SUDS3: variants seen among roughly 807,000 people sequenced by gnomAD.
SUDS3 encodes the protein sin3 histone deacetylase corepressor complex component SDS3.
In SUDS3, 23 loss-of-function variants were observed where a neutral mutation model predicts 53.5. The ratio of observed to expected loss-of-function variants is 0.43; its 90% CI spans 0.31 to 0.61. The LOEUF is 0.61. SUDS3 is among the 20% of genes least tolerant of loss of function. The pLI is 0.10. For synonymous variants in SUDS3, 150 were observed against 148.5 expected (o/e 1.01, Z -0.08); for missense variants, 291 against 405.9 (o/e 0.72, Z 2.43).
chr12:118,406,087 A>G (rs1251974561), intron 10 of SUDS3, among the ~76,000 whole-genome samples: 2 of 152,198 alleles, frequency 1.3e-5, no homozygotes, highest in African/African-American at 4.8e-5. Flanking sequence ...GGCATTCTAT[A>G]TCATGCTATG....
In SUDS3 at chr12:118,415,705, C is replaced by A. The variant is rs981412828; in HGVS notation, c.*1272C>A. Reference sequence around the variant, plus strand: ...GTAGAACTTACACATCCTAGGAAATCTTTCTTTGTAAGTAATTCTTTTGGT... The same window carrying A: ...GTAGAACTTACACATCCTAGGAAATATTTCTTTGTAAGTAATTCTTTTGGT... On this transcript the variant is annotated 3_prime_UTR_variant, in exon 12 of 12. Transcript: ENST00000543473. The A allele has an allele frequency of 5.3e-5, 8 of 152,138 alleles. No homozygotes were observed. Among genetic ancestry groups the A allele is most frequent in the East Asian group, 3.9e-4 (2 of 5,190 alleles). The allele number at this position is 152,138 out of a possible 1,614,324, so 9.4% of individuals were successfully genotyped here.
chr12:118,397,050 C>G (rs139678842), intron 6 of SUDS3, among the ~76,000 whole-genome samples: 9 of 152,272 alleles, frequency 5.9e-5, no homozygotes, highest in African/African-American at 2.2e-4. Context: ...AACGCTCTCT[C>G]AAGTCTGCTT....
chr12:118,386,104 T>A lies in SUDS3; in HGVS notation c.269-10T>A. On this transcript the variant is annotated splice_polypyrimidine_tract_variant and intron_variant, in intron 3 of 11. Transcript: ENST00000543473. ...CACAATAATTTTATTTTTCAAATGT[T>A]CAAAATCAGGTACATTACAGGAATA... is the stretch of plus-strand genomic sequence containing the variant. The A allele has an allele frequency of 1.9e-6, 3 of 1,575,204 alleles. No homozygotes were observed. Among genetic ancestry groups the A allele is most frequent in the Non-Finnish European group, 2.6e-6 (3 of 1,157,908 alleles).
rs966998998 is a variant in SUDS3 at position 118,378,328 on chromosome 12, A to G, written c.142+1495A>G. Among the ~76,000 whole-genome samples the G allele has an allele frequency of 4.6e-5, 7 of 152,126 alleles. No individual in the cohort carries two copies. In the South Asian group the frequency reaches 8.3e-4, roughly 18 times the overall value. ...GGCTCTGCGTATCTGTGGGTTCTGC[A>G]TCTGTGAATTCAACCAAGCGCAGCT... On this transcript the variant is annotated intron_variant, in intron 1 of 11. Coordinates refer to ENST00000543473, the MANE Select transcript of SUDS3 (RefSeq NM_022491.3).
chr12:118,377,505 T>C (rs2046011190), intron 1 of SUDS3, among the ~76,000 whole-genome samples: 1 of 151,800 alleles, frequency 6.6e-6, no homozygotes, highest in Non-Finnish European at 1.5e-5. Flanking sequence ...ACTCCGTAAA[T>C]GTTCTCCCCA....
At chr12:118,404,579 TA>T (rs2046293762) in intron 10 of SUDS3, 1 of 152,268 alleles carries the variant, frequency 6.6e-6, no homozygotes, top group Non-Finnish European at 1.5e-5. Context: ...ATGAAATGGA[TA>T]CTGCCATCAT....
intron 7 of SUDS3, 118 bp from the exon 8 acceptor site, chr12:118,401,641 T>C: frequency 2.3e-6 from 2 of 872,762 alleles, no homozygotes; most frequent in Non-Finnish European, 3.7e-6. Context: ...ACTGTTACTG[T>C]AGAAACATCA....
At chr12:118,395,638 T>G (rs540228430) in intron 6 of SUDS3, among the ~76,000 whole-genome samples, 1 of 152,282 alleles carries the variant, frequency 6.6e-6, no homozygotes, top group African/African-American at 2.4e-5. Flanking sequence ...GATTGGTCCC[T>G]TTATTCCTAC....
chr12:118,387,707 A>G (rs941357961), intron 4 of SUDS3, among the ~76,000 whole-genome samples: 4 of 152,026 alleles, frequency 2.6e-5, no homozygotes, highest in African/African-American at 9.7e-5. Context: ...GCCTGCCACC[A>G]CACCTGGCTA....
At chr12:118,381,768 C>G (rs535461128) in intron 2 of SUDS3, among the ~76,000 whole-genome samples, 1 of 152,234 alleles carries the variant, frequency 6.6e-6, no homozygotes, top group Admixed American at 6.5e-5. Flanking sequence ...CAGACAGAGC[C>G]ACAGCCGAAC....
chr12:118,378,683 AT>A (rs898026283), intron 1 of SUDS3, among the ~76,000 whole-genome samples: 2 of 148,068 alleles, frequency 1.4e-5, no homozygotes, highest in African/African-American at 2.5e-5. Context: ...TGTTTATTTT[AT>A]TTTTTTTTGA....
chr12:118,388,212 A>G (rs2046132241), intron 4 of SUDS3, among the ~76,000 whole-genome samples: 1 of 152,214 alleles, frequency 6.6e-6, no homozygotes, highest in South Asian at 2.1e-4. Flanking sequence ...CTAAAAAATA[A>G]TGAGTGGCTT....
Position 118,386,184 on chromosome 12 carries a change from A to T in SUDS3, c.339A>T (p.Ala113=). The T allele has an allele frequency of 6.3e-7, 1 of 1,595,642 alleles. No individual in the cohort carries two copies. The change falls in exon 4 of 12, where the codon GCA becomes GCT. Residue 113 remains alanine, a splice_region_variant and synonymous_variant. Coordinates refer to ENST00000543473, the MANE Select transcript of SUDS3 (RefSeq NM_022491.3). ...AGTACAAAGAGAGGATACGGAATGC[A>T]GGTAAGGCTCCTTTAAATGGCAATG... ...DQQYKERIRN[A]ELFLQLETEQ...
rs1037888290 is a variant in SUDS3 at position 118,393,061 on chromosome 12, C to G, written c.517+1779C>G. On this transcript the variant is annotated intron_variant, in intron 6 of 11. Transcript: ENST00000543473. Reference sequence around the variant, plus strand: ...CATTAAAGGTATGGATGTCCTTCCTCAGGGCACCTTTGATACCCTTGGTAT... The same window carrying G: ...CATTAAAGGTATGGATGTCCTTCCTGAGGGCACCTTTGATACCCTTGGTAT... Among the ~76,000 whole-genome samples the G allele has an allele frequency of 2.6e-5, 4 of 152,202 alleles. No individual in the cohort carries two copies. In the East Asian group the frequency reaches 5.8e-4, roughly 22 times the overall value.
At chr12:118,398,358 C>T (rs572611129) in intron 6 of SUDS3, among the ~76,000 whole-genome samples, 1 of 152,256 alleles carries the variant, frequency 6.6e-6, no homozygotes, top group East Asian at 1.9e-4. Context: ...TGTGACACTC[C>T]AGCTCTTAAC....
chr12:118,412,817 A>T (rs941685013), intron 11 of SUDS3, among the ~76,000 whole-genome samples: 1 of 152,200 alleles, frequency 6.6e-6, no homozygotes, highest in East Asian at 1.9e-4. Flanking sequence ...TGTCAGTGAG[A>T]TCTGACAAAT....
rs2046401499 is a variant in SUDS3 at position 118,416,488 on chromosome 12, G to T, written c.*2055G>T. ...TCTCTGACTTTTGAGGGTATTGAGG[G>T]CGCCCTTAGTCATAGTCTCGACTCC... On this transcript the variant is annotated 3_prime_UTR_variant, in exon 12 of 12. Transcript: ENST00000543473. 1 of 152,086 alleles carries T rather than the reference G, an allele frequency of 6.6e-6. No homozygotes were observed. The highest frequency in any genetic ancestry group is 2.4e-5 in the African/African-American group (1 of 41,418). The allele number at this position is 152,086 out of a possible 1,614,324, so 9.4% of individuals were successfully genotyped here. A position where few individuals can be genotyped will look rare whatever the true frequency, so the allele number is the denominator to read the frequency against.
At chr12:118,397,957 T>C (rs1343426000) in intron 6 of SUDS3, among the ~76,000 whole-genome samples, 1 of 152,186 alleles carries the variant, frequency 6.6e-6, no homozygotes, top group Non-Finnish European at 1.5e-5. Flanking sequence ...TATGTGCTTT[T>C]CCTTTGGTGC....
chr12:118,409,768 A>G (rs2046342455), intron 10 of SUDS3, among the ~76,000 whole-genome samples: 1 of 152,278 alleles, frequency 6.6e-6, no homozygotes, highest in Admixed American at 6.5e-5. Flanking sequence ...GGCCCAGGCC[A>G]GGGTTGCTAG....
Sources: allele counts gnomAD v4.1 joint callset (sites outside exome capture counted in the v4.1 genomes callset), GRCh38; gene constraint gnomAD v4.1.1; transcripts MANE v1.5; gene names NCBI Gene and HGNC (gene_info 2026-07-23, HGNC 2026-07-21).